FGFR2: variants seen among roughly 807,000 people sequenced by gnomAD.
FGFR2 encodes fibroblast growth factor receptor 2.
In FGFR2, 19 loss-of-function variants were observed where a neutral mutation model predicts 95.9. That is an observed-to-expected ratio of 0.20 (90% CI 0.14 to 0.29). The LOEUF (loss-of-function observed/expected upper bound fraction) is 0.29. FGFR2 is among the 10% of genes least tolerant of loss of function. The probability of loss-of-function intolerance (pLI) is 1.00; values close to 1 mark genes in which losing one functional copy is unlikely to be tolerated. For synonymous variants in FGFR2, 392 were observed against 393.3 expected, an observed-to-expected ratio of 1.00 and a Z score of 0.04; for missense variants, 707 against 1,056.9, an observed-to-expected ratio of 0.67 and a Z score of 4.59.
At chr10:121,559,562 T>G (rs888039347) in intron 4 of FGFR2, among the ~76,000 whole-genome samples, 3 of 152,216 alleles carry the variant, frequency 2.0e-5, no homozygotes, top group Non-Finnish European at 2.9e-5. Flanking sequence ...TCACTTTAAA[T>G]AGCATCTAAT....
intron 2 of FGFR2, among the ~76,000 whole-genome samples, chr10:121,568,359 G>C (rs10510096): frequency 0.031 from 4,656 of 152,274 alleles, 106 homozygotes; most frequent in Admixed American, 0.063. Context: ...ATTTACATTG[G>C]ATCAGTCTGG....
At chr10:121,525,640 AGAG>A in intron 6 of FGFR2, among the ~76,000 whole-genome samples, 1 of 152,056 alleles carries the variant, frequency 6.6e-6, no homozygotes, top group East Asian at 1.9e-4. Context: ...AGAGAGAGAG[AGAG>A]AGAGGAAAAA....
intron 13 of FGFR2, among the ~76,000 whole-genome samples, chr10:121,495,915 A>T (rs1846734926): frequency 6.6e-6 from 1 of 152,204 alleles, no homozygotes; most frequent in South Asian, 2.1e-4. Flanking sequence ...AACTACTCTC[A>T]GAATAACTGA....
chr10:121,530,450 C>G (rs1339256271), intron 6 of FGFR2: 1 of 152,390 alleles, frequency 6.6e-6, no homozygotes, highest in East Asian at 1.9e-4. Context: ...TAGTGAAACT[C>G]CATCTCTACT....
chr10:121,515,456 C>T lies in FGFR2; in HGVS notation c.1085-137G>A. On this transcript the variant is annotated intron_variant, in intron 8 of 17. Coordinates refer to ENST00000358487, the MANE Select transcript of FGFR2 (RefSeq NM_000141.5). ...AGGCAAGGTGGGCTTCCCAAAAACTCCCAAATGAAAATGAATAACCAGGGG... is the reference window on the plus strand; with the variant it reads ...AGGCAAGGTGGGCTTCCCAAAAACTTCCAAATGAAAATGAATAACCAGGGG... The T allele has an allele frequency of 3.6e-6, 3 of 834,926 alleles. No individual in the cohort carries two copies. In the South Asian group the frequency reaches 4.2e-5, roughly 12 times the overall value. The allele number at this position is 834,926 out of a possible 1,614,324, so 51.7% of individuals were successfully genotyped here. A position where few individuals can be genotyped will look rare whatever the true frequency, so the allele number is the denominator to read the frequency against.
At chr10:121,553,925 T>A (rs553854372) in intron 4 of FGFR2, among the ~76,000 whole-genome samples, 1 of 152,312 alleles carries the variant, frequency 6.6e-6, no homozygotes, top group Admixed American at 6.5e-5. Context: ...CACGCGCACC[T>A]ATGCAGGCCT....
At chr10:121,547,088 G>C (rs919098727) in intron 5 of FGFR2, among the ~76,000 whole-genome samples, 1 of 152,162 alleles carries the variant, frequency 6.6e-6, no homozygotes, top group Non-Finnish European at 1.5e-5. Context: ...GCTGGGTGTG[G>C]TGGCGGGCAC....
Position 121,497,194 on chromosome 10 carries a change from T to C in FGFR2, c.1673-472A>G, listed in dbSNP as rs538368677. On this transcript the variant is annotated intron_variant, in intron 12 of 17. Transcript: ENST00000358487. Reference sequence around the variant, plus strand: ...GTTTTAACATACAGAAAAGCACACATAAAAATATGATTATAATCTCTCCAA... The same window carrying C: ...GTTTTAACATACAGAAAAGCACACACAAAAATATGATTATAATCTCTCCAA... 2.8e-4 allele frequency among the ~76,000 whole-genome samples: 40 copies of C among 144,496 alleles called. No homozygotes were observed. The East Asian group carries it at 2.9e-3, about 10-fold the overall frequency. 94.8% of individuals were successfully genotyped at this position (144,496 alleles called of 152,430 possible).
chr10:121,574,417 T>C (rs893335593), intron 2 of FGFR2, among the ~76,000 whole-genome samples: 1 of 151,976 alleles, frequency 6.6e-6, no homozygotes, highest in Non-Finnish European at 1.5e-5. Flanking sequence ...TAGTCCCAGC[T>C]ACACGGGAAG....
chr10:121,596,778 ATTTG>A (rs1446622604), intron 1 of FGFR2: 2 of 194,258 alleles, frequency 1.0e-5, no homozygotes, highest in Non-Finnish European at 2.1e-5. Context: ...CACTTCTTTC[ATTTG>A]TTTGCCTGAA....
intron 15 of FGFR2, among the ~76,000 whole-genome samples, chr10:121,486,723 T>G (rs1554906882): frequency 6.6e-6 from 1 of 152,206 alleles, no homozygotes; most frequent in Non-Finnish European, 1.5e-5. Flanking sequence ...TGATTACAGG[T>G]ATGAGTCACT....
In FGFR2 at chr10:121,572,238, C is replaced by T. The variant is rs45631568; in HGVS notation, c.110-6534G>A. Among the ~76,000 whole-genome samples, 11 of 151,616 alleles carry T rather than the reference C, an allele frequency of 7.3e-5. No homozygotes were observed. The East Asian group carries it at 2.1e-3, about 30-fold the overall frequency. On this transcript the variant is annotated intron_variant, in intron 2 of 17. Coordinates refer to ENST00000358487, the MANE Select transcript of FGFR2 (RefSeq NM_000141.5). ...ACACAGGGGGCTGAGGTAGGAAGAT[C>T]GCTTGAGCCCCAGAGGCTGCACTGA...
At chr10:121,488,209 T>C in intron 13 of FGFR2, 96 bp from the exon 14 acceptor site, 8 of 1,542,106 alleles carry the variant, frequency 5.2e-6, no homozygotes, top group Non-Finnish European at 6.2e-6. Context: ...AGATAGAAAA[T>C]ATAGCTGATG....
intron 4 of FGFR2, among the ~76,000 whole-genome samples, chr10:121,557,397 C>G (rs948646220): frequency 6.6e-6 from 1 of 152,168 alleles, no homozygotes; most frequent in East Asian, 1.9e-4. Flanking sequence ...CAGCCTTGAC[C>G]TCCTGGGCTC....
intron 9 of FGFR2, among the ~76,000 whole-genome samples, chr10:121,507,214 C>T (rs1248672945): frequency 6.6e-6 from 1 of 152,216 alleles, no homozygotes. Flanking sequence ...GGGTCCCTGT[C>T]CCAGTTTGAG....
At chr10:121,502,337 T>A (rs1847709495) in intron 10 of FGFR2, among the ~76,000 whole-genome samples, 1 of 152,216 alleles carries the variant, frequency 6.6e-6, no homozygotes, top group Non-Finnish European at 1.5e-5. Flanking sequence ...GCCCCACCAG[T>A]AAATGTCCAA....
At chr10:121,506,892 T>G (rs1235608695) in intron 9 of FGFR2, among the ~76,000 whole-genome samples, 2 of 152,258 alleles carry the variant, frequency 1.3e-5, no homozygotes, top group Non-Finnish European at 2.9e-5. Context: ...AGAAGTACTT[T>G]ATTTAACAAA....
intron 4 of FGFR2, among the ~76,000 whole-genome samples, chr10:121,559,844 A>G (rs1856696980): frequency 6.6e-6 from 1 of 152,254 alleles, no homozygotes; most frequent in Non-Finnish European, 1.5e-5. Context: ...TAAGGTCCAC[A>G]GCATATAATC....
chr10:121,564,708 G>A, intron 3 of FGFR2, 129 bp from the exon 4 acceptor site: 3 of 789,922 alleles, frequency 3.8e-6, no homozygotes, highest in Non-Finnish European at 6.5e-6. Flanking sequence ...GCCTGGGATT[G>A]TTTTCAGTTA....
Sources: allele counts gnomAD v4.1 joint callset (sites outside exome capture counted in the v4.1 genomes callset), GRCh38; gene constraint gnomAD v4.1.1; transcripts MANE v1.5; gene names NCBI Gene and HGNC (gene_info 2026-07-23, HGNC 2026-07-21).